GRIN2A: variants seen among roughly 807,000 people sequenced by gnomAD.
GRIN2A encodes the protein glutamate receptor ionotropic, NMDA 2A.
In GRIN2A, 22 loss-of-function variants were observed where a neutral mutation model predicts 113.4. The ratio of observed to expected loss-of-function variants is 0.19; its 90% confidence interval spans 0.14 to 0.28. GRIN2A has a LOEUF of 0.28. Among genes scored for constraint, GRIN2A ranks in the 10% least tolerant of loss-of-function variants. The pLI, the probability that GRIN2A is intolerant of heterozygous loss-of-function variation, is 1.00. For synonymous variants in GRIN2A, 827 were observed against 738.4 expected, an observed-to-expected ratio of 1.12 and a Z score of -1.94; for missense variants, 1,502 against 1,887.0, an observed-to-expected ratio of 0.80 and a Z score of 3.78.
At chr16:9,826,090 G>A (rs779824510) in intron 9 of GRIN2A, among the ~76,000 whole-genome samples, 6 of 152,056 alleles carry the variant, frequency 3.9e-5, no homozygotes, top group Non-Finnish European at 8.8e-5. Flanking sequence ...TGCCAGGCAT[G>A]GTGTGAGGAT....
chr16:9,992,866 C>T (rs1189322537), intron 2 of GRIN2A, among the ~76,000 whole-genome samples: 7 of 152,148 alleles, frequency 4.6e-5, no homozygotes, highest in Non-Finnish European at 8.8e-5. Context: ...CTCAGTCTTG[C>T]TTCCAACACT....
chr16:9,962,377 A>G (rs1273289924), intron 2 of GRIN2A, among the ~76,000 whole-genome samples: 1 of 152,148 alleles, frequency 6.6e-6, no homozygotes, highest in Non-Finnish European at 1.5e-5. Context: ...ACAAAGGGCT[A>G]ATATCCAGAA....
chr16:10,152,358 C>T (rs552960861), intron 2 of GRIN2A, among the ~76,000 whole-genome samples: 9 of 152,348 alleles, frequency 5.9e-5, no homozygotes, highest in African/African-American at 1.7e-4. Context: ...ATGCTGTTTT[C>T]TCCGGCTGGA....
chr16:10,023,685 T>C (rs1176669233), intron 2 of GRIN2A, among the ~76,000 whole-genome samples: 3 of 152,236 alleles, frequency 2.0e-5, no homozygotes, highest in Non-Finnish European at 4.4e-5. Context: ...TTTCAGTGCG[T>C]GTCGCTATAA....
chr16:10,024,266 C>T (rs866873884), intron 2 of GRIN2A, among the ~76,000 whole-genome samples: 1 of 152,328 alleles, frequency 6.6e-6, no homozygotes, highest in Middle Eastern at 3.4e-3. Flanking sequence ...CTCTGTCACC[C>T]AGGCTGGAGT....
chr16:10,049,296 C>G (rs575140801), intron 2 of GRIN2A, among the ~76,000 whole-genome samples: 1 of 152,262 alleles, frequency 6.6e-6, no homozygotes, highest in South Asian at 2.1e-4. Context: ...ATCTCAGGCA[C>G]TGTGCTAAGC....
chr16:9,848,792 A>G (rs2042826790), intron 5 of GRIN2A, among the ~76,000 whole-genome samples: 1 of 106,004 alleles, frequency 9.4e-6, no homozygotes, highest in Non-Finnish European at 1.7e-5. Context: ...TTAAATATAT[A>G]AAATACACTG....
chr16:9,838,815 A>G (rs1243607559), intron 7 of GRIN2A, among the ~76,000 whole-genome samples: 3 of 152,200 alleles, frequency 2.0e-5, no homozygotes, highest in Non-Finnish European at 4.4e-5. Context: ...AGAATGGAAA[A>G]TCTAATACTA....
intron 2 of GRIN2A, among the ~76,000 whole-genome samples, chr16:10,082,420 CT>C (rs2048002902): frequency 6.6e-6 from 1 of 152,186 alleles, no homozygotes; most frequent in Non-Finnish European, 1.5e-5. Flanking sequence ...ATCTCCTCCC[CT>C]TGAGTACAGG....
At chr16:9,867,977 G>T (rs2284241) in intron 4 of GRIN2A, among the ~76,000 whole-genome samples, 1 of 151,566 alleles carries the variant, frequency 6.6e-6, no homozygotes, top group Non-Finnish European at 1.5e-5. Flanking sequence ...ATCTTCCACC[G>T]TAAAAAATAG....
intron 2 of GRIN2A, among the ~76,000 whole-genome samples, chr16:10,178,003 C>A (rs984074156): frequency 4.6e-5 from 7 of 152,220 alleles, no homozygotes; most frequent in Admixed American, 2.6e-4. Flanking sequence ...TCCAATTCAG[C>A]TTTTCCCAGA....
chr16:9,818,953 A>C (rs1039415751), intron 10 of GRIN2A, among the ~76,000 whole-genome samples: 1 of 152,222 alleles, frequency 6.6e-6, no homozygotes. Context: ...AAGATTGGAA[A>C]CAACCTAAAT....
At chr16:9,873,526 C>G (rs1210771460) in intron 4 of GRIN2A, among the ~76,000 whole-genome samples, 1 of 145,252 alleles carries the variant, frequency 6.9e-6, no homozygotes, top group Non-Finnish European at 1.5e-5. Context: ...CAAAGTGAGA[C>G]ACCCCCCATC....
At chr16:10,024,810 G>A (rs34824974) in intron 2 of GRIN2A, among the ~76,000 whole-genome samples, 16,655 of 152,230 alleles carry the variant, frequency 0.11, 1,006 homozygotes, top group Middle Eastern at 0.13. Context: ...ATTATATCAA[G>A]TAAGAGCTGT....
intron 2 of GRIN2A, among the ~76,000 whole-genome samples, chr16:10,073,464 C>G (rs1222006961): frequency 1.3e-5 from 2 of 152,114 alleles, no homozygotes; most frequent in African/African-American, 2.4e-5. Context: ...GAAGTCCTGG[C>G]TCAATGGAAT....
chr16:9,899,864 C>T (rs112427312), intron 3 of GRIN2A, among the ~76,000 whole-genome samples: 73 of 152,330 alleles, frequency 4.8e-4, no homozygotes, highest in Non-Finnish European at 8.4e-4. Flanking sequence ...AGTACAACAA[C>T]TGCCAAGAGG....
At chr16:9,986,688 T>C (rs1238146311) in intron 2 of GRIN2A, among the ~76,000 whole-genome samples, 3 of 142,432 alleles carry the variant, frequency 2.1e-5, no homozygotes, top group African/African-American at 8.0e-5. Context: ...TCACTTAAAC[T>C]CAGGAGACGG....
intron 2 of GRIN2A, among the ~76,000 whole-genome samples, chr16:9,985,826 A>G (rs1369459120): frequency 6.6e-6 from 1 of 152,172 alleles, no homozygotes; most frequent in Non-Finnish European, 1.5e-5. Context: ...TTGTACATTA[A>G]AGAGTAACAG....
chr16:9,811,536 A>C (rs904002942), intron 10 of GRIN2A, among the ~76,000 whole-genome samples: 11 of 152,174 alleles, frequency 7.2e-5, no homozygotes, highest in Non-Finnish European at 1.5e-4. Context: ...AGACAGGCGG[A>C]TCACTTGAGG....
Sources: gnomAD v4.1 joint callset for allele counts (sites outside exome capture counted in the v4.1 genomes callset) on GRCh38, gnomAD v4.1.1 for gene constraint, MANE v1.5 for transcripts, NCBI Gene and HGNC (gene_info 2026-07-23, HGNC 2026-07-21) for gene names.